SCN8A: variants seen among roughly 807,000 people sequenced by gnomAD.
SCN8A encodes the protein sodium voltage-gated channel alpha subunit 8.
Under a neutral mutation model 184.1 loss-of-function variants are expected in SCN8A, and 30 were observed. That is an observed-to-expected ratio of 0.16 (90% CI 0.12 to 0.22). The LOEUF is 0.22. Among genes scored for constraint, SCN8A ranks in the 10% least tolerant of loss-of-function variants. The probability of loss-of-function intolerance (pLI) is 1.00; values close to 1 mark genes in which losing one functional copy is unlikely to be tolerated. For missense variants in SCN8A, 1,057 were observed against 2,498.9 expected (o/e 0.42, Z 12.30); for synonymous variants, 852 against 907.0 (o/e 0.94, Z 1.09).
At chr12:51,734,503 C>A (rs57769337) in intron 12 of SCN8A, among the ~76,000 whole-genome samples, 3,989 of 152,346 alleles carry the variant, frequency 0.026, 166 homozygotes, top group African/African-American at 0.088. Context: ...ACAGATCGCT[C>A]ATGCTATTGT....
Position 51,743,272 on chromosome 12 carries a change from A to G in SCN8A, c.1999-2631A>G, listed in dbSNP as rs187642312. Among the ~76,000 whole-genome samples, 385 of 151,912 alleles carry G rather than the reference A, an allele frequency of 2.5e-3. 2 individuals carry two copies. The highest frequency in any genetic ancestry group is 0.01 in the Middle Eastern group (3 of 294). ...TCCTGCATGATCTTGATGCTTGTAG[A>G]TGTTTGTTGGTGTTTGGGCATTGAC... On this transcript the variant is annotated intron_variant, in intron 12 of 26. Transcript: ENST00000627620.
intron 2 of SCN8A, among the ~76,000 whole-genome samples, chr12:51,664,474 C>T (rs933486219): frequency 6.6e-6 from 1 of 152,076 alleles, no homozygotes; most frequent in Non-Finnish European, 1.5e-5. Context: ...TTCCAAAATG[C>T]TGGGATTACA....
At chr12:51,704,233 A>G (rs1159070118) in intron 9 of SCN8A, among the ~76,000 whole-genome samples, 1 of 152,018 alleles carries the variant, frequency 6.6e-6, no homozygotes, top group Non-Finnish European at 1.5e-5. Flanking sequence ...AAAACTGTGT[A>G]ATAGTGGGTT....
intron 1 of SCN8A, among the ~76,000 whole-genome samples, chr12:51,623,298 A>G (rs1454804205): frequency 4.6e-5 from 7 of 152,156 alleles, no homozygotes; most frequent in Admixed American, 2.0e-4. Context: ...TTCTGTATCT[A>G]TCAGTCTGTA....
intron 5 of SCN8A, chr12:51,688,763 T>A: frequency 6.2e-7 from 1 of 1,612,964 alleles, no homozygotes; most frequent in Non-Finnish European, 8.5e-7. Context: ...TGCAGGTATA[T>A]AACAGAGTTT....
intron 8 of SCN8A, among the ~76,000 whole-genome samples, chr12:51,702,492 T>A (rs1592390226): frequency 6.6e-6 from 1 of 152,268 alleles, no homozygotes. Flanking sequence ...GATTCATAGA[T>A]CCCATATCCA....
chr12:51,600,962 G>A (rs1939450396), intron 1 of SCN8A, among the ~76,000 whole-genome samples: 2 of 152,178 alleles, frequency 1.3e-5, no homozygotes, highest in African/African-American at 4.8e-5. Flanking sequence ...CACAGTTCAT[G>A]TACAAGATGT....
At chr12:51,591,878 T>C (rs1939228279) in intron 1 of SCN8A, among the ~76,000 whole-genome samples, 1 of 151,990 alleles carries the variant, frequency 6.6e-6, no homozygotes, top group Non-Finnish European at 1.5e-5. Flanking sequence ...TCCTGGGTTC[T>C]TCCCGCAGCC....
At chr12:51,695,466 A>G (rs966522058) in intron 6 of SCN8A, among the ~76,000 whole-genome samples, 6 of 152,206 alleles carry the variant, frequency 3.9e-5, no homozygotes, top group African/African-American at 1.4e-4. Context: ...AATTCCATGC[A>G]GGCTTGACAT....
Position 51,712,429 on chromosome 12 carries a change from C to G in SCN8A, c.1635+5714C>G, listed in dbSNP as rs376837237. On this transcript the variant is annotated intron_variant, in intron 11 of 26. Coordinates refer to ENST00000627620, the MANE Select transcript of SCN8A (RefSeq NM_001330260.2). Reference sequence around the variant, plus strand: ...TTCCTGACAGCTCCTCGCGCTCTCTCCTGCTGAGAACTGTAGCCCTTTTCT... The same window carrying G: ...TTCCTGACAGCTCCTCGCGCTCTCTGCTGCTGAGAACTGTAGCCCTTTTCT... 1.2e-4 allele frequency: 93 copies of G among 764,052 alleles called. No homozygotes were observed. In the African/African-American group the frequency reaches 1.4e-3, roughly 11 times the overall value. 47.3% of individuals were successfully genotyped at this position (764,052 alleles called of 1,614,324 possible).
At position 51,808,738 on chromosome 12, in the gene SCN8A, G is replaced by A. The variant is rs930288590; in HGVS notation, c.*1309G>A. The A allele has an allele frequency of 6.6e-6, 1 of 152,034 alleles. No homozygotes were observed. Among genetic ancestry groups the A allele is most frequent in the South Asian group, 2.1e-4 (1 of 4,822 alleles). 9.4% of individuals were successfully genotyped at this position (152,034 alleles called of 1,614,324 possible). ...TGCATTGTGGCTTTCTCCAGGCATG[G>A]GTCGATACCGCGAGGGGTTCAGATA... is the stretch of plus-strand genomic sequence containing the variant. On this transcript the variant is annotated 3_prime_UTR_variant, in exon 27 of 27. Coordinates refer to ENST00000627620, the MANE Select transcript of SCN8A (RefSeq NM_001330260.2).
At chr12:51,796,311 G>A (rs939221774) in intron 26 of SCN8A, among the ~76,000 whole-genome samples, 1 of 152,082 alleles carries the variant, frequency 6.6e-6, no homozygotes, top group Non-Finnish European at 1.5e-5. Flanking sequence ...CTGGCCTCAA[G>A]TCCATTCTCC....
chr12:51,616,780 A>T (rs1452336974), intron 1 of SCN8A, among the ~76,000 whole-genome samples: 1 of 151,966 alleles, frequency 6.6e-6, no homozygotes, highest in Non-Finnish European at 1.5e-5. Flanking sequence ...TTAGCCAGGC[A>T]TGGTGGTGCA....
In SCN8A at chr12:51,756,710, G is replaced by A. The variant is rs748443139; in HGVS notation, c.2370+5117G>A. On this transcript the variant is annotated intron_variant, in intron 14 of 26. Coordinates refer to ENST00000627620, the MANE Select transcript of SCN8A (RefSeq NM_001330260.2). ...CCTGCTGCCCTGCATGGACCTCCTC[G>A]CTCCCCTCCATGTCTGACTCTCCTT... Among the ~76,000 whole-genome samples the A allele has an allele frequency of 8.5e-5, 13 of 152,196 alleles. No individual in the cohort carries two copies. In the East Asian group the frequency reaches 1.4e-3, roughly 16 times the overall value.
intron 12 of SCN8A, among the ~76,000 whole-genome samples, chr12:51,739,335 T>C (rs867660544): frequency 1.3e-5 from 2 of 152,060 alleles, no homozygotes; most frequent in Middle Eastern, 3.2e-3. Flanking sequence ...GAGCCGTCAC[T>C]CGAGGTGCCG....
intron 12 of SCN8A, among the ~76,000 whole-genome samples, chr12:51,739,392 A>C (rs1322356175): frequency 6.6e-6 from 1 of 152,070 alleles, no homozygotes; most frequent in East Asian, 1.9e-4. Flanking sequence ...TGTCCTCCGG[A>C]AAAGAAAGAT....
intron 1 of SCN8A, among the ~76,000 whole-genome samples, chr12:51,640,081 GT>G (rs374314744): frequency 5.0e-4 from 67 of 134,012 alleles, no homozygotes; most frequent in Middle Eastern, 3.8e-3. Context: ...TTTTTTTTAA[GT>G]TTTTTTTTTT....
intron 1 of SCN8A, among the ~76,000 whole-genome samples, chr12:51,659,073 C>G (rs1024629784): frequency 3.3e-5 from 5 of 152,164 alleles, no homozygotes; most frequent in African/African-American, 1.2e-4. Flanking sequence ...TAGCTTAAAA[C>G]TATAAACAAC....
chr12:51,808,354 T>C lies in SCN8A; in HGVS notation c.*925T>C, dbSNP rs188422745. On this transcript the variant is annotated 3_prime_UTR_variant, in exon 27 of 27. Transcript: ENST00000627620. ...CCAATCCAACAAGCAGATGGATCCG[T>C]TGCGTGTATATGTTTAACAGACATC... is the stretch of plus-strand genomic sequence containing the variant. 155 of 152,658 alleles carry C rather than the reference T, an allele frequency of 1.0e-3. No individual in the cohort carries two copies. Among genetic ancestry groups the C allele is most frequent in the Non-Finnish European group, 1.7e-3 (114 of 68,052 alleles). The allele number at this position is 152,658 out of a possible 1,614,324, so 9.5% of individuals were successfully genotyped here.
Sources: gnomAD v4.1 joint callset for allele counts (sites outside exome capture counted in the v4.1 genomes callset) on GRCh38, gnomAD v4.1.1 for gene constraint, MANE v1.5 for transcripts, NCBI Gene and HGNC (gene_info 2026-07-23, HGNC 2026-07-21) for gene names.